Variants in TDRD9 observed in about 807,000 individuals in gnomAD.
The protein encoded by TDRD9 is ATP-dependent RNA helicase TDRD9.
Under a neutral mutation model 172.6 loss-of-function variants are expected in TDRD9, and 124 were observed. The observed-to-expected ratio is 0.72, with a 90% CI of 0.62 to 0.83. The LOEUF is 0.83. TDRD9 is among the 40% of genes least tolerant of loss of function. The probability of loss-of-function intolerance (pLI) is 0.00; values close to 1 mark genes in which losing one functional copy is unlikely to be tolerated. For missense variants in TDRD9, 1,479 were observed against 1,714.1 expected (o/e 0.86, Z 2.42); for synonymous variants, 619 against 617.1 (o/e 1.00, Z -0.05).
chr14:103,967,899 G>C (rs1463203094), intron 5 of TDRD9, among the ~76,000 whole-genome samples: 1 of 152,084 alleles, frequency 6.6e-6, no homozygotes, highest in East Asian at 1.9e-4. Context: ...TTATTCATTG[G>C]GCTTTTTAGT....
chr14:103,951,732 A>G (rs2031878424), intron 1 of TDRD9, among the ~76,000 whole-genome samples: 1 of 151,886 alleles, frequency 6.6e-6, no homozygotes. Context: ...CTACTTCACA[A>G]TTTAAATAAA....
Position 103,994,584 on chromosome 14 carries a change from C to T in TDRD9, c.1301C>T (p.Pro434Leu). The part of the protein sequence containing the change: ...LEEQNNVFLS[P>L]VPGYRKIILS... ...GAACAGAATAATGTCTTTTTAAGTC[C>T]AGTCCCTGGGTACAGAAAGGTAGGA... Residue 434 changes from proline to leucine, a missense_variant, in exon 11 of 36, where the codon CCA becomes CTA. Pro to Leu is a moderately conservative substitution (Grantham distance 98). Around this residue, in one of 3 missense-constraint regions of TDRD9, gnomAD observed 1,413 missense variants for 1,649.1 expected, o/e 0.86. Coordinates refer to ENST00000409874, the MANE Select transcript of TDRD9 (RefSeq NM_153046.3). 6.2e-7 allele frequency: 1 copy of T among 1,613,394 alleles called. No homozygotes were observed. Among genetic ancestry groups the T allele is most frequent in the Non-Finnish European group, 8.5e-7 (1 of 1,179,572 alleles).
intron 1 of TDRD9, chr14:103,941,069 G>A (rs749356254): frequency 4.6e-6 from 7 of 1,534,850 alleles, no homozygotes; most frequent in South Asian, 2.4e-5. Context: ...ATTTCCCATG[G>A]CAGTACATCA....
chr14:103,952,181 C>CGTGTGT lies in TDRD9; in HGVS notation c.216-3478_216-3473dup, dbSNP rs34670145. ...GTATATATGTGTATATATGTGTGTG[C>CGTGTGT]GTGTGTGTGTATATATATATATATA... On this transcript the variant is annotated intron_variant, in intron 1 of 35. Transcript: ENST00000409874. 6.1e-3 allele frequency among the ~76,000 whole-genome samples: 289 copies of CGTGTGT among 47,218 alleles called. 1 individual carries two copies. The highest frequency in any genetic ancestry group is 0.016 in the African/African-American group (242 of 14,840). The allele number at this position is 47,218 out of a possible 152,430, so 31.0% of individuals were successfully genotyped here. A position where few individuals can be genotyped will look rare whatever the true frequency, so the allele number is the denominator to read the frequency against.
intron 30 of TDRD9, 90 bp downstream of exon 30, chr14:104,032,177 A>G: frequency 1.3e-6 from 1 of 786,074 alleles, no homozygotes; most frequent in Admixed American, 3.1e-5. Flanking sequence ...TTATATCTAA[A>G]CTGTTGGAAT....
rs920762014 is a variant in TDRD9 at position 104,031,171 on chromosome 14, G to A, written c.3346G>A (p.Val1116Met). The change falls in exon 29 of 36, where the codon GTG (valine) becomes ATG (methionine). Residue 1116 changes from valine to methionine, a missense_variant. Coordinates refer to ENST00000409874, the MANE Select transcript of TDRD9 (RefSeq NM_153046.3). ...AGTAGAAAACATGACAGATGGCTCT[G>A]TGCCCTTTCCCATGAAAGACGACGA... ...KSVENMTDGS[V>M]PFPMKDDEKY... 61 of 1,551,610 alleles carry A rather than the reference G, an allele frequency of 3.9e-5. No homozygotes were observed. Among genetic ancestry groups the A allele is most frequent in the Non-Finnish European group, 5.3e-5 (61 of 1,146,992 alleles).
chr14:104,016,133 A>G, intron 22 of TDRD9, 45 bp downstream of exon 22: 2 of 1,349,864 alleles, frequency 1.5e-6, no homozygotes, highest in South Asian at 1.3e-5. Flanking sequence ...GTGGTGGGGC[A>G]GAACATTTTT....
chr14:103,950,757 A>G (rs1365895568), intron 1 of TDRD9, among the ~76,000 whole-genome samples: 1 of 152,216 alleles, frequency 6.6e-6, no homozygotes, highest in Non-Finnish European at 1.5e-5. Flanking sequence ...GTCAAAATGG[A>G]GTCATTAATG....
At position 103,988,049 on chromosome 14, in the gene TDRD9, G is replaced by A. The variant is rs571963021; in HGVS notation, c.1115+1729G>A. On this transcript the variant is annotated intron_variant, in intron 8 of 35. Transcript: ENST00000409874. ...ATTTTAAGACCTATTTTGTGTATTA[G>A]TATAGCCATTTCACTTTTCTGTAGT... is the stretch of plus-strand genomic sequence containing the variant. 4.6e-5 allele frequency among the ~76,000 whole-genome samples: 7 copies of A among 152,164 alleles called. 1 individual carries two copies. In the South Asian group the frequency reaches 1.2e-3, roughly 27 times the overall value.
At chr14:104,017,627 G>A (rs897696579) in intron 22 of TDRD9, among the ~76,000 whole-genome samples, 5 of 152,224 alleles carry the variant, frequency 3.3e-5, no homozygotes, top group Admixed American at 1.3e-4. Context: ...ATGGTACCTT[G>A]AGAGTTTATA....
At chr14:104,001,094 T>C (rs937518443) in intron 13 of TDRD9, among the ~76,000 whole-genome samples, 5 of 152,238 alleles carry the variant, frequency 3.3e-5, no homozygotes, top group African/African-American at 1.2e-4. Flanking sequence ...CAATTTTACC[T>C]GTACTGTGTG....
At chr14:103,940,624 C>T in intron 1 of TDRD9, 1 of 497,212 alleles carries the variant, frequency 2.0e-6, no homozygotes, top group Middle Eastern at 5.1e-4. Flanking sequence ...TAAAAGCATA[C>T]TATTCAATGA....
intron 1 of TDRD9, among the ~76,000 whole-genome samples, chr14:103,935,389 G>T (rs945504910): frequency 1.3e-5 from 2 of 152,122 alleles, no homozygotes; most frequent in Non-Finnish European, 2.9e-5. Flanking sequence ...GGATGTGAGT[G>T]GGGGAGCAAT....
intron 23 of TDRD9, among the ~76,000 whole-genome samples, chr14:104,018,803 A>G (rs1038216116): frequency 1.3e-5 from 2 of 152,216 alleles, no homozygotes; most frequent in African/African-American, 2.4e-5. Context: ...TGAATGTTGT[A>G]TAAATTTTTA....
intron 1 of TDRD9, chr14:103,941,045 T>A (rs763336035): frequency 1.4e-5 from 22 of 1,535,234 alleles, no homozygotes; most frequent in African/African-American, 4.1e-5. Context: ...AGAACTTGCT[T>A]GAAGATGTAG....
intron 7 of TDRD9, 96 bp downstream of exon 7, chr14:103,975,649 AATT>A: frequency 7.9e-7 from 1 of 1,258,588 alleles, no homozygotes; most frequent in Non-Finnish European, 1.1e-6. Context: ...CCTGCGAGAA[AATT>A]ATTATTTTAA....
At chr14:103,998,569 T>A (rs2152208426) in intron 12 of TDRD9, 55 bp from the exon 13 acceptor site, 1 of 942,146 alleles carries the variant, frequency 1.1e-6, no homozygotes, top group East Asian at 2.4e-5. Context: ...TGTGATTTAT[T>A]ATGCAATGAT....
intron 2 of TDRD9, among the ~76,000 whole-genome samples, chr14:103,961,063 G>C (rs2152139473): frequency 6.6e-6 from 1 of 152,196 alleles, no homozygotes; most frequent in South Asian, 2.1e-4. Flanking sequence ...TCTGGGCTCA[G>C]GGCCTTCTTT....
At chr14:103,973,310 C>T (rs753371418) in intron 6 of TDRD9, among the ~76,000 whole-genome samples, 16 of 152,098 alleles carry the variant, frequency 1.1e-4, no homozygotes, top group East Asian at 1.9e-4. Context: ...AAGAGAGTGC[C>T]GCTGTCAAGA....
Sources: allele counts gnomAD v4.1 joint callset (sites outside exome capture counted in the v4.1 genomes callset), GRCh38; gene constraint gnomAD v4.1.1; regional missense constraint gnomAD v4.1.1; transcripts MANE v1.5; gene names NCBI Gene and HGNC (gene_info 2026-07-23, HGNC 2026-07-21).